The following FMNL2 variants were observed in gnomAD, a reference collection of about 807,000 sequenced individuals.
The protein encoded by FMNL2 is formin like 2.
A neutral mutation model predicts 130.2 loss-of-function variants in FMNL2; 51 were observed. That is an observed-to-expected ratio of 0.39 (90% confidence interval 0.31 to 0.49). The LOEUF (loss-of-function observed/expected upper bound fraction) is 0.49, where lower values mean the gene tolerates loss of function less well. Among genes scored for constraint, FMNL2 ranks in the 20% least tolerant of loss-of-function variants. The pLI is 0.85. For synonymous variants in FMNL2, 465 were observed against 467.1 expected (o/e 1.00, Z 0.06); for missense variants, 977 against 1,316.2 (o/e 0.74, Z 3.99).
chr2:152,367,537 C>T (rs1006845704), intron 1 of FMNL2, among the ~76,000 whole-genome samples: 3 of 152,130 alleles, frequency 2.0e-5, no homozygotes, highest in African/African-American at 7.2e-5. Flanking sequence ...AGAGAAGTCA[C>T]TTAGATAATT....
intron 1 of FMNL2, among the ~76,000 whole-genome samples, chr2:152,433,392 G>A (rs1265859394): frequency 6.6e-6 from 1 of 152,210 alleles, no homozygotes; most frequent in Admixed American, 6.5e-5. Context: ...GTTACCATGT[G>A]TTTGTAGAGC....
rs568985282 is a variant in FMNL2, at chr2:152,553,540, ATTT to A, written c.359+4457_359+4459del. On this transcript the variant is annotated intron_variant, in intron 4 of 25. Coordinates refer to ENST00000288670, the MANE Select transcript of FMNL2 (RefSeq NM_052905.4). Reference sequence around the variant, plus strand: ...TTATTACTAAACCAGCAATTCTCACATTTTTTTTTTTTTTTTGGTTTTAGAGTG... The same window carrying A: ...TTATTACTAAACCAGCAATTCTCACATTTTTTTTTTTTTGGTTTTAGAGTG... 6.6e-3 allele frequency among the ~76,000 whole-genome samples: 829 copies of A among 126,352 alleles called. 3 individuals are homozygous for A. Among genetic ancestry groups the A allele is most frequent in the African/African-American group, 0.019 (660 of 34,390 alleles). 82.9% of individuals were successfully genotyped at this position (126,352 alleles called of 152,430 possible). A position where few individuals can be genotyped will look rare whatever the true frequency, so the allele number is the denominator to read the frequency against.
intron 1 of FMNL2, among the ~76,000 whole-genome samples, chr2:152,486,778 G>A (rs1690851217): frequency 6.6e-6 from 1 of 152,050 alleles, no homozygotes; most frequent in Non-Finnish European, 1.5e-5. Flanking sequence ...GTGTAATTTT[G>A]TTTTCTTGTA....
At chr2:152,597,597 C>A (rs1388239206) in intron 9 of FMNL2, among the ~76,000 whole-genome samples, 3 of 152,202 alleles carry the variant, frequency 2.0e-5, no homozygotes, top group Admixed American at 2.0e-4. Context: ...TGGTGCACTG[C>A]CTTGATGCAT....
chr2:152,348,575 A>C (rs985733862), intron 1 of FMNL2, among the ~76,000 whole-genome samples: 1 of 152,198 alleles, frequency 6.6e-6, no homozygotes, highest in African/African-American at 2.4e-5. Context: ...ATTCTTATTC[A>C]TCTTGGTATT....
Position 152,520,332 on chromosome 2 carries a change from G to A in FMNL2, c.118-1611G>A, listed in dbSNP as rs553772894. ...TTTTAGGCCAGGCATGGTGGCTCAC[G>A]CCTGTAATCCCCGCACTTTGGGAGG... On this transcript the variant is annotated intron_variant, in intron 1 of 25. Transcript: ENST00000288670. Among the ~76,000 whole-genome samples, 48 of 152,086 alleles carry A rather than the reference G, an allele frequency of 3.2e-4. 1 individual carries two copies. Among genetic ancestry groups the A allele is most frequent in the Non-Finnish European group, 6.3e-4 (43 of 68,012 alleles).
chr2:152,442,829 G>A (rs533195202), intron 1 of FMNL2, among the ~76,000 whole-genome samples: 1 of 152,258 alleles, frequency 6.6e-6, no homozygotes, highest in East Asian at 1.9e-4. Flanking sequence ...CATCAGAATT[G>A]TCTGAAGGGC....
rs75398058 is a variant in FMNL2 at position 152,644,774 on chromosome 2, T to C, written c.3170-3022T>C. ...TGACCTGCTTCTTTGGTCAGGATGA[T>C]GGCACCAGAAATACTAACAGCAAAT... On this transcript the variant is annotated intron_variant, in intron 25 of 25. Transcript: ENST00000288670. Among the ~76,000 whole-genome samples, 949 of 152,318 alleles carry C rather than the reference T, an allele frequency of 6.2e-3. 8 individuals carry two copies. The highest frequency in any genetic ancestry group is 0.02 in the Middle Eastern group (6 of 294).
At chr2:152,503,988 G>A (rs1420138821) in intron 1 of FMNL2, among the ~76,000 whole-genome samples, 1 of 152,170 alleles carries the variant, frequency 6.6e-6, no homozygotes, top group Non-Finnish European at 1.5e-5. Flanking sequence ...TCAGGAGTTT[G>A]AGACCAGCCT....
chr2:152,489,568 AGGCACT>A (rs1691025226), intron 1 of FMNL2, among the ~76,000 whole-genome samples: 1 of 152,356 alleles, frequency 6.6e-6, no homozygotes, highest in South Asian at 2.1e-4. Flanking sequence ...TAGAGCTGCT[AGGCACT>A]GGATGGTCCT....
chr2:152,368,434 G>T (rs28524736), intron 1 of FMNL2, among the ~76,000 whole-genome samples: 2 of 151,266 alleles, frequency 1.3e-5, no homozygotes, highest in African/African-American at 2.4e-5. Context: ...AGATCTAGGG[G>T]CATTTGGCTA....
Position 152,647,990 on chromosome 2 carries a change from C to G in FMNL2, c.*85C>G. ...TTATGTGCTACGATTTAACTGCAGCCTTGAACACACACAAAAATATTCTTA... is the reference window on the plus strand; with the variant it reads ...TTATGTGCTACGATTTAACTGCAGCGTTGAACACACACAAAAATATTCTTA... On this transcript the variant is annotated 3_prime_UTR_variant, in exon 26 of 26. Transcript: ENST00000288670. The G allele has an allele frequency of 9.2e-7, 1 of 1,091,048 alleles. No homozygotes were observed. 67.6% of individuals were successfully genotyped at this position (1,091,048 alleles called of 1,614,324 possible). A position where few individuals can be genotyped will look rare whatever the true frequency, so the allele number is the denominator to read the frequency against.
At position 152,495,815 on chromosome 2, in the gene FMNL2, C is replaced by T. The variant is rs148541912; in HGVS notation, c.118-26128C>T. ...AGGATGCCTTGTTTAGTGTTAAGAA[C>T]TAGAGAATGACGTGGATAGCTGTTC... On this transcript the variant is annotated intron_variant, in intron 1 of 25. Transcript: ENST00000288670. Among the ~76,000 whole-genome samples the T allele has an allele frequency of 2.0e-3, 300 of 149,094 alleles. 1 individual carries two copies. Among genetic ancestry groups the T allele is most frequent in the Admixed American group, 4.4e-3 (62 of 14,024 alleles).
At chr2:152,500,421 C>A (rs2105320389) in intron 1 of FMNL2, among the ~76,000 whole-genome samples, 1 of 152,330 alleles carries the variant, frequency 6.6e-6, no homozygotes, top group South Asian at 2.1e-4. Flanking sequence ...TTAATTAAAA[C>A]TCTGCCATCT....
At chr2:152,587,344 G>T (rs1363165184) in intron 9 of FMNL2, among the ~76,000 whole-genome samples, 1 of 152,250 alleles carries the variant, frequency 6.6e-6, no homozygotes, top group African/African-American at 2.4e-5. Flanking sequence ...TGCAGAACAT[G>T]TGGGGTGGGA....
rs924311391 is a variant in FMNL2 at position 152,649,612 on chromosome 2, A to C, written c.*1707A>C. On this transcript the variant is annotated 3_prime_UTR_variant, in exon 26 of 26. Coordinates refer to ENST00000288670, the MANE Select transcript of FMNL2 (RefSeq NM_052905.4). ...CCAAGTTGGACTTCCACTACAAAGC[A>C]GCTGTTTTCCAAAGTTCAATGCTGA... is the stretch of plus-strand genomic sequence containing the variant. The C allele has an allele frequency of 6.6e-6, 1 of 152,668 alleles. No homozygotes were observed. Among genetic ancestry groups the C allele is most frequent in the African/African-American group, 2.4e-5 (1 of 41,464 alleles). 9.5% of individuals were successfully genotyped at this position (152,668 alleles called of 1,614,324 possible).
At chr2:152,488,146 G>A (rs1345419047) in intron 1 of FMNL2, among the ~76,000 whole-genome samples, 2 of 152,194 alleles carry the variant, frequency 1.3e-5, no homozygotes, top group East Asian at 1.9e-4. Context: ...TTAGTACTGT[G>A]AAATGAATAG....
chr2:152,429,819 T>G (rs554064187), intron 1 of FMNL2, among the ~76,000 whole-genome samples: 14 of 152,286 alleles, frequency 9.2e-5, no homozygotes, highest in African/African-American at 3.4e-4. Context: ...CAGTCGAAAT[T>G]TCTGTGCTGT....
chr2:152,612,463 C>G (rs762744512), intron 11 of FMNL2, among the ~76,000 whole-genome samples: 1 of 152,148 alleles, frequency 6.6e-6, no homozygotes, highest in African/African-American at 2.4e-5. Context: ...TAGGCTGCAA[C>G]AAGCTGTGAT....
Sources: gnomAD v4.1 joint callset for allele counts (sites outside exome capture counted in the v4.1 genomes callset) on GRCh38, gnomAD v4.1.1 for gene constraint, MANE v1.5 for transcripts, NCBI Gene and HGNC (gene_info 2026-07-23, HGNC 2026-07-21) for gene names.